The following TMCC3 variants were observed in gnomAD, a reference collection of about 807,000 sequenced individuals.
The protein encoded by TMCC3 is transmembrane and coiled-coil domain family 3, also known as transmembrane and coiled-coil domain protein 3.
In TMCC3, 28 loss-of-function variants were observed where a neutral mutation model predicts 40.2. That is an observed-to-expected ratio of 0.70 (90% CI 0.52 to 0.95). The LOEUF is 0.95. Among genes scored for constraint, TMCC3 ranks in the 40% least tolerant of loss-of-function variants. TMCC3 has a pLI of 0.00. For missense variants in TMCC3, 554 were observed against 615.2 expected (o/e 0.90, Z 1.05); for synonymous variants, 255 against 248.5 (o/e 1.03, Z -0.25).
rs77113815 is a variant in TMCC3 at position 94,611,866 on chromosome 12, C to T, written c.79-29328G>A. Among the ~76,000 whole-genome samples the T allele has an allele frequency of 5.2e-3, 792 of 152,158 alleles. 3 individuals are homozygous for T. Among genetic ancestry groups the T allele is most frequent in the African/African-American group, 0.018 (737 of 41,520 alleles). On this transcript the variant is annotated intron_variant, in intron 1 of 3. Transcript: ENST00000261226. ...TGGTTGAATCCATGAATGTGAAATCCGTGGATGTGGAGGGCCAACTGTATA... is the reference window on the plus strand; with the variant it reads ...TGGTTGAATCCATGAATGTGAAATCTGTGGATGTGGAGGGCCAACTGTATA...
intron 1 of TMCC3, among the ~76,000 whole-genome samples, chr12:94,645,252 A>G (rs2069011758): frequency 6.6e-6 from 1 of 152,236 alleles, no homozygotes; most frequent in Admixed American, 6.5e-5. Context: ...TAAACAGTCA[A>G]TGTCATGAGA....
intron 1 of TMCC3, among the ~76,000 whole-genome samples, chr12:94,587,981 C>T (rs975593767): frequency 6.6e-6 from 1 of 152,106 alleles, no homozygotes; most frequent in Non-Finnish European, 1.5e-5. Context: ...GTTTTCTTTC[C>T]GGCACTGGAG....
intron 1 of TMCC3, among the ~76,000 whole-genome samples, chr12:94,604,505 G>A (rs2068770838): frequency 6.6e-6 from 1 of 151,832 alleles, no homozygotes; most frequent in East Asian, 1.9e-4. Context: ...GAGGCGTACA[G>A]AATTAAAAAA....
intron 1 of TMCC3, chr12:94,598,530 G>A: frequency 1.0e-6 from 1 of 968,554 alleles, no homozygotes; most frequent in Non-Finnish European, 1.2e-6. Context: ...AGTAGGAGAA[G>A]AAATGACCTT....
chr12:94,631,351 T>G (rs1046018694), intron 1 of TMCC3, among the ~76,000 whole-genome samples: 1 of 152,188 alleles, frequency 6.6e-6, no homozygotes, highest in Non-Finnish European at 1.5e-5. Context: ...GTAACCGTAT[T>G]TCAAGATAGG....
intron 1 of TMCC3, among the ~76,000 whole-genome samples, chr12:94,605,586 A>G (rs2068777837): frequency 6.6e-6 from 1 of 152,188 alleles, no homozygotes; most frequent in Non-Finnish European, 1.5e-5. Flanking sequence ...CATATGGAAA[A>G]TCAGGCATTT....
intron 1 of TMCC3, chr12:94,615,899 CG>C (rs1466913442): frequency 1.0e-6 from 1 of 983,796 alleles, no homozygotes; most frequent in Non-Finnish European, 1.2e-6. Flanking sequence ...CTGGCTGAAA[CG>C]GAAGAGTTGT....
chr12:94,591,095 G>A (rs1165028462), intron 1 of TMCC3: 24 of 484,748 alleles, frequency 5.0e-5, no homozygotes, highest in Admixed American at 1.3e-4. Flanking sequence ...GGAGATGGTC[G>A]TGCTGGTTGC....
intron 1 of TMCC3, among the ~76,000 whole-genome samples, chr12:94,622,828 A>C (rs2068883197): frequency 1.3e-5 from 2 of 152,096 alleles, no homozygotes; most frequent in Admixed American, 6.5e-5. Flanking sequence ...CTTAAAAAAA[A>C]AAAAAAAATT....
At chr12:94,579,293 G>A (rs1222344332) in intron 2 of TMCC3, among the ~76,000 whole-genome samples, 1 of 152,122 alleles carries the variant, frequency 6.6e-6, no homozygotes, top group Non-Finnish European at 1.5e-5. Context: ...GATCACCTGG[G>A]GTCAGGAGTT....
chr12:94,573,610 A>G (rs942742544), intron 3 of TMCC3, among the ~76,000 whole-genome samples: 2 of 151,926 alleles, frequency 1.3e-5, no homozygotes, highest in African/African-American at 4.8e-5. Context: ...ACAGGGTCTC[A>G]CTCTGTTGCC....
At chr12:94,620,411 C>A (rs954591245) in intron 1 of TMCC3, among the ~76,000 whole-genome samples, 1 of 151,560 alleles carries the variant, frequency 6.6e-6, no homozygotes, top group African/African-American at 2.4e-5. Context: ...CCTCAGCCTC[C>A]CGAGTAGCTG....
chr12:94,632,156 G>T (rs1230728174), intron 1 of TMCC3, among the ~76,000 whole-genome samples: 1 of 152,202 alleles, frequency 6.6e-6, no homozygotes, highest in South Asian at 2.1e-4. Context: ...CAGAGAGAAG[G>T]CTGACTATAA....
chr12:94,580,333 T>C (rs1214354145), intron 2 of TMCC3, among the ~76,000 whole-genome samples: 1 of 152,210 alleles, frequency 6.6e-6, no homozygotes, highest in Non-Finnish European at 1.5e-5. Context: ...TTACCTAATA[T>C]AAGCCAAAGG....
rs1440964450 is a variant in TMCC3 at position 94,578,405 on chromosome 12, G to A, written c.1120C>T (p.Arg374Trp). The A allele has an allele frequency of 1.5e-5, 24 of 1,613,704 alleles. No homozygotes were observed. Among genetic ancestry groups the A allele is most frequent in the Non-Finnish European group, 1.9e-5 (22 of 1,179,840 alleles). Residue 374 changes from arginine to tryptophan, a missense_variant, in exon 3 of 4, where the codon CGG (arginine) becomes TGG (tryptophan). Physicochemically the swap from Arg to Trp is moderately radical, Grantham distance 101. Coordinates refer to ENST00000261226, the MANE Select transcript of TMCC3 (RefSeq NM_020698.4). The stretch of plus-strand genomic sequence containing the variant: ...AAAGGGAAAGGTACCTGGATGTCCC[G>A]CGAGCGCTCGTAGGCCTGGTAGGCC... ...KVAYQAYERS[R>W]DIQEALESCQ...
intron 1 of TMCC3, among the ~76,000 whole-genome samples, chr12:94,586,399 T>C (rs533377449): frequency 2.0e-5 from 3 of 152,328 alleles, no homozygotes; most frequent in African/African-American, 7.2e-5. Context: ...GGGGCAACCA[T>C]GATCCTCACT....
intron 1 of TMCC3, among the ~76,000 whole-genome samples, chr12:94,635,445 A>G (rs1322869286): frequency 6.6e-6 from 1 of 152,190 alleles, no homozygotes; most frequent in Non-Finnish European, 1.5e-5. Flanking sequence ...TACACATTCT[A>G]TGTACCATAA....
At chr12:94,579,508 AAAC>A (rs1017409997) in intron 2 of TMCC3, among the ~76,000 whole-genome samples, 6 of 152,188 alleles carry the variant, frequency 3.9e-5, no homozygotes, top group African/African-American at 9.7e-5. Flanking sequence ...CTCCATCTCA[AAAC>A]AACAACAACA....
In TMCC3 at chr12:94,650,459, TC is replaced by T; in HGVS notation, c.-30del. 8 of 1,256,366 alleles carry T rather than the reference TC, an allele frequency of 6.4e-6. No individual in the cohort carries two copies. Among genetic ancestry groups the T allele is most frequent in the Non-Finnish European group, 8.0e-6 (8 of 996,290 alleles). 77.8% of individuals were successfully genotyped at this position (1,256,366 alleles called of 1,614,324 possible). On this transcript the variant is annotated 5_prime_UTR_variant, in exon 1 of 4. Transcript: ENST00000261226. The stretch of plus-strand genomic sequence containing the variant: ...CGCGCTCCGGCCGCGAACTTTCCCG[TC>T]TTCTGGGGCTGCCGCGCCGCGAGCC...
Sources: gnomAD v4.1 joint callset for allele counts (sites outside exome capture counted in the v4.1 genomes callset) on GRCh38, gnomAD v4.1.1 for gene constraint, MANE v1.5 for transcripts, NCBI Gene and HGNC (gene_info 2026-07-23, HGNC 2026-07-21) for gene names.